EML6: variants seen among roughly 807,000 people sequenced by gnomAD.
The protein encoded by EML6 is EMAP like 6, also known as echinoderm microtubule-associated protein-like 6.
A neutral mutation model predicts 240.1 loss-of-function variants in EML6; 154 were observed. The observed-to-expected ratio is 0.64, with a 90% confidence interval of 0.56 to 0.73. EML6 has a LOEUF of 0.73. EML6 is among the 30% of genes least tolerant of loss of function. EML6 has a pLI of 0.00. For synonymous variants in EML6, 1,148 were observed against 899.0 expected (o/e 1.28, Z -4.95); for missense variants, 2,964 against 2,474.6 (o/e 1.20, Z -4.20).
chr2:54,887,111 T>C (rs912328410), intron 17 of EML6, among the ~76,000 whole-genome samples: 2 of 152,230 alleles, frequency 1.3e-5, no homozygotes, highest in African/African-American at 4.8e-5. Context: ...TTTTGTACAC[T>C]ACTGCCCAGA....
intron 17 of EML6, among the ~76,000 whole-genome samples, chr2:54,885,667 A>G (rs1258821822): frequency 6.6e-6 from 1 of 151,958 alleles, no homozygotes; most frequent in Non-Finnish European, 1.5e-5. Flanking sequence ...GCCAGAGTGC[A>G]GTGGCGCTAT....
Position 54,928,485 on chromosome 2 carries a change from A to T in EML6, c.3848A>T (p.Glu1283Val). ...TQESKLVDSE[E>V]SDTDVEEDGG... Reference sequence around the variant, plus strand: ...GAGAGCAAGCTGGTGGACAGCGAGGAGTCAGACACCGACGTGGAAGAGGAT... The same window carrying T: ...GAGAGCAAGCTGGTGGACAGCGAGGTGTCAGACACCGACGTGGAAGAGGAT... The change falls in exon 27 of 42, where the codon GAG becomes GTG. Residue 1283 changes from glutamate (E) to valine (V), a missense_variant. Transcript: ENST00000356458. 3 of 1,547,524 alleles carry T rather than the reference A, an allele frequency of 1.9e-6. No homozygotes were observed. The highest frequency in any genetic ancestry group is 2.6e-6 in the Non-Finnish European group (3 of 1,144,244).
chr2:54,919,518 C>G (rs1449281888), intron 26 of EML6, among the ~76,000 whole-genome samples: 1 of 152,184 alleles, frequency 6.6e-6, no homozygotes, highest in African/African-American at 2.4e-5. Context: ...GTGTTACGTT[C>G]ATTGCCCATC....
At chr2:54,906,869 G>T (rs552491308) in intron 24 of EML6, among the ~76,000 whole-genome samples, 2 of 152,160 alleles carry the variant, frequency 1.3e-5, no homozygotes, top group Admixed American at 6.5e-5. Context: ...GGCCTCCAGA[G>T]TCTGGCAAGG....
At chr2:54,944,792 C>G (rs1458186562) in intron 28 of EML6, among the ~76,000 whole-genome samples, 1 of 152,042 alleles carries the variant, frequency 6.6e-6, no homozygotes, top group South Asian at 2.1e-4. Flanking sequence ...TTCTGGAAGA[C>G]ATAGGAATAC....
chr2:54,863,725 T>A, intron 12 of EML6, 58 bp from the exon 13 acceptor site: 1 of 814,282 alleles, frequency 1.2e-6, no homozygotes, highest in South Asian at 1.6e-5. Flanking sequence ...TTTAGATAAT[T>A]TCAGTTGCTC....
chr2:54,899,505 A>G (rs1411800513), intron 21 of EML6, 136 bp from the exon 22 acceptor site: 2 of 833,310 alleles, frequency 2.4e-6, no homozygotes, highest in African/African-American at 1.7e-5. Flanking sequence ...TTTTGGTTCA[A>G]GGAAGCTCAA....
chr2:54,915,775 G>A (rs1673877449), intron 25 of EML6, among the ~76,000 whole-genome samples: 1 of 152,042 alleles, frequency 6.6e-6, no homozygotes, highest in Non-Finnish European at 1.5e-5. Context: ...GTGCAAAACA[G>A]TTTCAAATTC....
chr2:54,889,038 T>C (rs557978591), intron 17 of EML6, among the ~76,000 whole-genome samples: 3 of 152,364 alleles, frequency 2.0e-5, no homozygotes, highest in African/African-American at 7.2e-5. Context: ...TCAAACACCA[T>C]TTATTTTAAA....
At chr2:54,968,034 C>G (rs770573960) in intron 39 of EML6, 94 bp from the exon 40 acceptor site, 30 of 1,255,684 alleles carry the variant, frequency 2.4e-5, no homozygotes, top group Non-Finnish European at 3.2e-5. Context: ...TGTTAAACAT[C>G]CCTCTCTTCC....
chr2:54,828,177 C>T (rs988631178), intron 6 of EML6, among the ~76,000 whole-genome samples: 1 of 151,990 alleles, frequency 6.6e-6, no homozygotes, highest in Non-Finnish European at 1.5e-5. Flanking sequence ...AACGATTGCT[C>T]TTGTATTGGT....
Position 54,960,342 on chromosome 2 carries a change from C to T in EML6, c.4968+8C>T. The stretch of plus-strand genomic sequence containing the variant: ...TCCGTGTGCCGTGGAAAAGTGAGCA[C>T]AGCCAGCTCCCCTGGGGGCTGGGCC... On this transcript the variant is annotated splice_region_variant and intron_variant, in intron 35 of 41. Coordinates refer to ENST00000356458, the MANE Select transcript of EML6 (RefSeq NM_001039753.4). The T allele has an allele frequency of 1.3e-6, 2 of 1,544,104 alleles. No individual in the cohort carries two copies. Among genetic ancestry groups the T allele is most frequent in the Non-Finnish European group, 1.8e-6 (2 of 1,142,570 alleles).
intron 2 of EML6, among the ~76,000 whole-genome samples, chr2:54,786,140 C>A (rs1253954750): frequency 6.6e-6 from 1 of 151,910 alleles, no homozygotes; most frequent in East Asian, 1.9e-4. Flanking sequence ...TTTGAGAAGT[C>A]CCACCGGGGC....
chr2:54,865,695 T>C (rs1670934850), intron 13 of EML6, among the ~76,000 whole-genome samples: 1 of 152,244 alleles, frequency 6.6e-6, no homozygotes, highest in Non-Finnish European at 1.5e-5. Context: ...GAAAAAAATC[T>C]GAAATCCAAA....
chr2:54,727,554 G>C (rs1183585253), intron 2 of EML6, among the ~76,000 whole-genome samples: 1 of 152,190 alleles, frequency 6.6e-6, no homozygotes, highest in African/African-American at 2.4e-5. Flanking sequence ...ATTCGTTTCT[G>C]TGTATCCCGG....
At chr2:54,964,297 C>T (rs1676654431) in intron 37 of EML6, 139 bp downstream of exon 37, 3 of 828,052 alleles carry the variant, frequency 3.6e-6, no homozygotes, top group East Asian at 2.7e-5. Context: ...GAAAGAATAC[C>T]TTCTCCCACT....
intron 2 of EML6, among the ~76,000 whole-genome samples, chr2:54,763,119 C>G (rs529350599): frequency 1.3e-5 from 2 of 152,168 alleles, no homozygotes; most frequent in Non-Finnish European, 2.9e-5. Context: ...TACATTTATT[C>G]ATTTGATCCA....
At chr2:54,836,767 T>C (rs1290796155) in intron 7 of EML6, among the ~76,000 whole-genome samples, 1 of 152,148 alleles carries the variant, frequency 6.6e-6, no homozygotes, top group Non-Finnish European at 1.5e-5. Flanking sequence ...GAATTCCTAA[T>C]CGTTTTTTAG....
rs1362843411 is a variant in EML6 at position 54,903,132 on chromosome 2, T to G, written c.3213T>G (p.Thr1071=). 1 of 1,551,902 alleles carries G rather than the reference T, an allele frequency of 6.4e-7. No homozygotes were observed. The highest frequency in any genetic ancestry group is 1.2e-5 in the South Asian group (1 of 84,062). Residue 1071 remains threonine, a synonymous_variant, in exon 23 of 42, where the codon ACT becomes ACG. Transcript: ENST00000356458. ...DGSFLVVNAD[T]VEDMVSFHHR... ...GTTTCCTGGTGGTAAATGCTGACAC[T>G]GTTGAAGACATGGTCTCTTTCCATC... is the stretch of plus-strand genomic sequence containing the variant.
Sources: gnomAD v4.1 joint callset for allele counts (sites outside exome capture counted in the v4.1 genomes callset) on GRCh38, gnomAD v4.1.1 for gene constraint, MANE v1.5 for transcripts, NCBI Gene and HGNC (gene_info 2026-07-23, HGNC 2026-07-21) for gene names.